SASH1: variants seen among roughly 807,000 people sequenced by gnomAD.
SASH1 encodes the protein SAM and SH3 domain-containing protein 1.
Under a neutral mutation model 125.2 loss-of-function variants are expected in SASH1, and 44 were observed. The ratio of observed to expected loss-of-function variants is 0.35; its 90% CI spans 0.28 to 0.45. The LOEUF is 0.45. Ranked by LOEUF, SASH1 falls within the 20% of genes least tolerant of loss-of-function variation. SASH1 has a pLI of 1.00. For synonymous variants in SASH1, 639 were observed against 649.1 expected, an observed-to-expected ratio of 0.98 and a Z score of 0.24; for missense variants, 1,426 against 1,614.5, an observed-to-expected ratio of 0.88 and a Z score of 2.00.
At chr6:148,465,200 A>G (rs941318983) in intron 4 of SASH1, among the ~76,000 whole-genome samples, 1 of 152,180 alleles carries the variant, frequency 6.6e-6, no homozygotes, top group Non-Finnish European at 1.5e-5. Context: ...TTCACTTATT[A>G]CATAATAAGT....
rs577312576 is a variant in SASH1 at position 148,529,029 on chromosome 6, C to T, written c.1428+1433C>T. ...CGTGTGCACAATTCACAATAGGATT[C>T]GTGCTCCTACGAGAATCTAATACCG... On this transcript the variant is annotated intron_variant, in intron 12 of 19. Transcript: ENST00000367467. The surrounding 1 kb of genome is among the most constrained non-coding windows in gnomAD (Gnocchi z 4.2). 1.3e-5 allele frequency among the ~76,000 whole-genome samples: 2 copies of T among 152,018 alleles called. No homozygotes were observed. Among genetic ancestry groups the T allele is most frequent in the African/African-American group, 2.4e-5 (1 of 41,368 alleles).
chr6:148,356,514 T>TTTTTTTTTA (rs1781947002), intron 1 of SASH1, among the ~76,000 whole-genome samples: 1 of 138,610 alleles, frequency 7.2e-6, no homozygotes, highest in African/African-American at 2.8e-5. Flanking sequence ...TTTTTTTTTT[T>TTTTTTTTTA]GAGACTGGGT....
rs189802586 is a variant in SASH1 at position 148,355,533 on chromosome 6, C to T, written c.156+12310C>T. ...ATCAAAGAACTGGCTCCTTTTTCAACAGAAGAAAATGTCAGCTAGTTACCC... is the reference window on the plus strand; with the variant it reads ...ATCAAAGAACTGGCTCCTTTTTCAATAGAAGAAAATGTCAGCTAGTTACCC... On this transcript the variant is annotated intron_variant, in intron 1 of 19. Transcript: ENST00000367467. Among the ~76,000 whole-genome samples the T allele has an allele frequency of 5.9e-5, 9 of 152,278 alleles. No homozygotes were observed. In the East Asian group the frequency reaches 1.7e-3, roughly 29 times the overall value.
At chr6:148,358,093 T>A (rs1296557459) in intron 1 of SASH1, among the ~76,000 whole-genome samples, 1 of 146,760 alleles carries the variant, frequency 6.8e-6, no homozygotes, top group Non-Finnish European at 1.5e-5. Flanking sequence ...AAATTCAAGC[T>A]GCAGAGCAGT....
At chr6:148,448,853 A>G (rs911450021) in intron 4 of SASH1, among the ~76,000 whole-genome samples, 4 of 151,900 alleles carry the variant, frequency 2.6e-5, no homozygotes, top group Admixed American at 6.6e-5. Context: ...TTCTCTAACT[A>G]CCTGCTCTTT....
intron 1 of SASH1, among the ~76,000 whole-genome samples, chr6:148,354,391 A>G (rs1562345068): frequency 6.6e-6 from 1 of 152,232 alleles, no homozygotes. Flanking sequence ...GTAAAATATT[A>G]AAAGCATTCA....
rs777872327 is a variant in SASH1 at position 148,540,499 on chromosome 6, A to C, written c.2152A>C (p.Ser718Arg). The C allele has an allele frequency of 6.2e-7, 1 of 1,614,074 alleles. No individual in the cohort carries two copies. ...EKLLVDSQGL[S>R]GCSPRDSGCY... is the part of the protein sequence containing the mutation. ...GCTGCTCGTTGACAGCCAGGGCCTGAGTGGATGCTCACCCCGAGACTCAGG... is the reference window on the plus strand; with the variant it reads ...GCTGCTCGTTGACAGCCAGGGCCTGCGTGGATGCTCACCCCGAGACTCAGG... The change falls in exon 17 of 20, where the codon AGT becomes CGT. Residue 718 changes from serine to arginine, a missense_variant. This residue lies in a region of SASH1 where 634 missense variants were observed against 694.4 expected (regional missense o/e 0.91). Coordinates refer to ENST00000367467, the MANE Select transcript of SASH1 (RefSeq NM_015278.5).
the SASH1 span, among the ~76,000 whole-genome samples, chr6:148,205,929 A>G: frequency 3.3e-5 from 5 of 152,106 alleles, no homozygotes; most frequent in African/African-American, 1.2e-4. Flanking sequence ...ATCCTTTTGC[A>G]TTCCATTGCC....
Position 148,533,781 on chromosome 6 carries a change from T to G in SASH1, c.1745T>G (p.Ile582Ser), listed in dbSNP as rs1481849087. Reference protein sequence around the residue: ...TDSLKLKKGDIIDIISKPPMG... With the variant: ...TDSLKLKKGDSIDIISKPPMG... ...CTCCCTGGGCCACAGAAAGGAGATA[T>G]CATCGATATAATCAGCAAGCCACCC... is the stretch of plus-strand genomic sequence containing the variant. Residue 582 changes from isoleucine (I) to serine (S), a missense_variant, in exon 15 of 20, where the codon ATC (isoleucine) becomes AGC (serine). Ile to Ser is a moderately radical substitution (Grantham distance 142). Coordinates refer to ENST00000367467, the MANE Select transcript of SASH1 (RefSeq NM_015278.5). The surrounding 1 kb of genome is among the most constrained non-coding windows in gnomAD (Gnocchi z 6.2). 1 of 1,612,880 alleles carries G rather than the reference T, an allele frequency of 6.2e-7. No homozygotes were observed. Among genetic ancestry groups the G allele is most frequent in the South Asian group, 1.1e-5 (1 of 91,012 alleles).
chr6:148,308,492 T>C (rs1434207213), intron 1 of SASH1, among the ~76,000 whole-genome samples: 1 of 150,906 alleles, frequency 6.6e-6, no homozygotes, highest in Non-Finnish European at 1.5e-5. Flanking sequence ...GCTTCCCAGG[T>C]TCAAGCAATT....
chr6:148,440,683 G>T, intron 4 of SASH1: 1 of 445,846 alleles, frequency 2.2e-6, no homozygotes, highest in East Asian at 3.7e-5. Context: ...AAAGGGAAAG[G>T]ATAGGTGCAT....
At chr6:148,270,131 C>A (rs1212722899), upstream of SASH1, among the ~76,000 whole-genome samples, 13 of 152,204 alleles carry the variant, frequency 8.5e-5, no homozygotes, top group Admixed American at 8.5e-4. Flanking sequence ...AGAGGATGGA[C>A]AGACTAAGAC....
chr6:148,320,726 C>T lies in SASH1; in HGVS notation n.74+48349C>T, dbSNP rs552622907. Reference sequence around the variant, plus strand: ...CTGGAACTCCTGGGCTCAAGAGATTCTCCTCCTCCAGCCTCCCAAAGTGTT... The same window carrying T: ...CTGGAACTCCTGGGCTCAAGAGATTTTCCTCCTCCAGCCTCCCAAAGTGTT... On this transcript the variant is annotated intron_variant and non_coding_transcript_variant, in intron 1 of 3. Coordinates refer to the SASH1 transcript ENST00000367469. 4.6e-5 allele frequency among the ~76,000 whole-genome samples: 7 copies of T among 152,320 alleles called. No individual in the cohort carries two copies. The South Asian group carries it at 1.2e-3, about 27-fold the overall frequency.
chr6:148,264,176 CGAAA>C, the SASH1 span, among the ~76,000 whole-genome samples: 4 of 52,390 alleles, frequency 7.6e-5, no homozygotes, highest in African/African-American at 1.9e-4. Flanking sequence ...TTATTTTGAC[CGAAA>C]AAAAAAAAAA....
chr6:148,453,667 T>C lies in SASH1; in HGVS notation c.386+13260T>C, dbSNP rs528233770. ...AGGCAGCTCAGGAAGTTTAATTTGA[T>C]AAGCATTTATCCAGCAGTAAGCCCT... On this transcript the variant is annotated intron_variant, in intron 4 of 19. Coordinates refer to ENST00000367467, the MANE Select transcript of SASH1 (RefSeq NM_015278.5). Among the ~76,000 whole-genome samples, 21 of 152,278 alleles carry C rather than the reference T, an allele frequency of 1.4e-4. No individual in the cohort carries two copies. The South Asian group carries it at 3.9e-3, about 29-fold the overall frequency.
At chr6:148,424,302 C>G (rs965828149) in intron 2 of SASH1, among the ~76,000 whole-genome samples, 1 of 151,392 alleles carries the variant, frequency 6.6e-6, no homozygotes, top group Non-Finnish European at 1.5e-5. Flanking sequence ...TGCGGTGGCG[C>G]AATCTCAGCT....
chr6:148,193,724 G>A, the SASH1 span, among the ~76,000 whole-genome samples: 2 of 152,150 alleles, frequency 1.3e-5, no homozygotes, highest in African/African-American at 4.8e-5. Context: ...TATAATCAAA[G>A]GATTGTACTC....
chr6:148,512,029 A>ATTTATTTATTTATTTATTT (rs1554267078), intron 8 of SASH1, among the ~76,000 whole-genome samples: 1 of 145,542 alleles, frequency 6.9e-6, no homozygotes, highest in African/African-American at 2.5e-5. Context: ...TTATTTATTT[A>ATTTATTTATTTATTTATTT]TTTTTTTGAG....
At chr6:148,203,839 T>C in the SASH1 span, among the ~76,000 whole-genome samples, 2 of 152,216 alleles carry the variant, frequency 1.3e-5, no homozygotes. Flanking sequence ...TCTTTATTAA[T>C]ATCACAAAAG....
Sources: allele counts gnomAD v4.1 joint callset (sites outside exome capture counted in the v4.1 genomes callset), GRCh38; gene constraint gnomAD v4.1.1; regional missense constraint gnomAD v4.1.1; non-coding constraint Gnocchi (gnomAD v3.1); transcripts MANE v1.5; gene names NCBI Gene and HGNC (gene_info 2026-07-23, HGNC 2026-07-21).